Variants in RP1 observed in about 807,000 individuals in gnomAD.
RP1 encodes the protein oxygen-regulated protein 1.
In RP1, 16 loss-of-function variants were observed where a neutral mutation model predicts 14.8. The observed-to-expected ratio is 1.08, with a 90% CI of 0.73 to 1.65. The LOEUF is 1.65. Among genes scored for constraint, RP1 ranks in the 40% most tolerant of loss-of-function variants. RP1 has a pLI of 0.00. For missense variants in RP1, 2,631 were observed against 2,535.0 expected (o/e 1.04, Z -0.81); for synonymous variants, 876 against 883.6 (o/e 0.99, Z 0.15).
chr8:54,841,785 G>C (rs576829694), intron 25 of RP1, among the ~76,000 whole-genome samples: 130 of 152,308 alleles, frequency 8.5e-4, no homozygotes, highest in African/African-American at 3.1e-3. Context: ...TGCTGACTCA[G>C]CTCGAGGCGG....
In RP1 at chr8:54,628,101, G is replaced by C. The variant is rs1289984626; in HGVS notation, c.4219G>C (p.Glu1407Gln). ...SSCGLCLSEKEAELDKKHSSL... is the reference protein window; with the variant it reads ...SSCGLCLSEKQAELDKKHSSL... ...CTGTGGCCTTTGCCTAAGTGAAAAA[G>C]AAGCAGAACTTGATAAGAAACATAG... Residue 1407 changes from glutamate to glutamine, a missense_variant, in exon 4 of 4, where the codon GAA becomes CAA. Glu to Gln is a conservative substitution (Grantham distance 29). Transcript: ENST00000220676. 1 of 1,614,018 alleles carries C rather than the reference G, an allele frequency of 6.2e-7. No homozygotes were observed. The highest frequency in any genetic ancestry group is 1.7e-5 in the Admixed American group (1 of 60,022).
At chr8:54,607,081 T>A (rs1206571551) in intron 1 of RP1, among the ~76,000 whole-genome samples, 1 of 152,206 alleles carries the variant, frequency 6.6e-6, no homozygotes, top group Non-Finnish European at 1.5e-5. Context: ...GTTCCATTGC[T>A]GGTGAGGAGC....
chr8:54,777,036 C>G (rs1371364892), intron 23 of RP1, among the ~76,000 whole-genome samples: 1 of 152,228 alleles, frequency 6.6e-6, no homozygotes, highest in African/African-American at 2.4e-5. Flanking sequence ...ACCACTTACT[C>G]ACTGCATGGC....
chr8:54,736,188 C>T (rs1162725383), intron 18 of RP1, among the ~76,000 whole-genome samples: 1 of 152,162 alleles, frequency 6.6e-6, no homozygotes, highest in Non-Finnish European at 1.5e-5. Flanking sequence ...GAATATGCCA[C>T]TTAATTTCTC....
At chr8:54,763,981 A>C (rs1414965351) in intron 22 of RP1, among the ~76,000 whole-genome samples, 1 of 152,200 alleles carries the variant, frequency 6.6e-6, no homozygotes, top group African/African-American at 2.4e-5. Context: ...AGACTTTAAA[A>C]GCTTTCCACT....
chr8:54,701,589 G>A (rs915217188), exon 14 of RP1: 31 of 1,535,462 alleles, frequency 2.0e-5, no homozygotes, highest in African/African-American at 1.6e-4. Context: ...GTTTTTGATC[G>A]TCATGGCAAA....
intron 15 of RP1, among the ~76,000 whole-genome samples, chr8:54,713,871 T>C (rs146094758): frequency 1.3e-3 from 199 of 152,342 alleles, no homozygotes; most frequent in African/African-American, 4.6e-3. Flanking sequence ...TAAAAAATGG[T>C]CTTACATTTC....
At chr8:54,561,353 A>C (rs111849265) in intron 1 of RP1, among the ~76,000 whole-genome samples, 1 of 152,226 alleles carries the variant, frequency 6.6e-6, no homozygotes, top group South Asian at 2.1e-4. Flanking sequence ...CCGAGTAAAC[A>C]AAGTGGTTGT....
At chr8:54,699,912 AT>A (rs897277572) in intron 13 of RP1, among the ~76,000 whole-genome samples, 4 of 152,184 alleles carry the variant, frequency 2.6e-5, no homozygotes, top group Non-Finnish European at 5.9e-5. Flanking sequence ...CTTAGTTTAG[AT>A]TTGAAAAGTA....
At chr8:54,700,978 C>T (rs1398870670) in intron 13 of RP1, among the ~76,000 whole-genome samples, 1 of 152,160 alleles carries the variant, frequency 6.6e-6, no homozygotes, top group African/African-American at 2.4e-5. Context: ...AACGACTTTT[C>T]CTCTTCACAC....
chr8:54,717,806 G>A (rs1319141314), intron 15 of RP1, among the ~76,000 whole-genome samples: 2 of 152,038 alleles, frequency 1.3e-5, no homozygotes, highest in African/African-American at 2.4e-5. Context: ...AAACTCTCTT[G>A]GCTCACAGAT....
intron 14 of RP1, among the ~76,000 whole-genome samples, chr8:54,704,771 T>C (rs555964384): frequency 1.3e-5 from 2 of 152,304 alleles, no homozygotes; most frequent in Non-Finnish European, 2.9e-5. Context: ...AACTCATACA[T>C]CTCATGTTAT....
chr8:54,630,844 A>G (rs994645180), downstream of RP1: 2 of 995,398 alleles, frequency 2.0e-6, no homozygotes, highest in Admixed American at 1.1e-4. Context: ...TGTGCCAAAT[A>G]TGTTGAGTCC....
chr8:54,800,937 TG>T (rs1479736873), intron 24 of RP1, among the ~76,000 whole-genome samples: 1 of 152,190 alleles, frequency 6.6e-6, no homozygotes, highest in African/African-American at 2.4e-5. Flanking sequence ...TGTTAGAAGC[TG>T]GATGTGTTGT....
intron 5 of RP1, among the ~76,000 whole-genome samples, chr8:54,653,975 T>A (rs1372331038): frequency 6.6e-6 from 1 of 152,142 alleles, no homozygotes; most frequent in Non-Finnish European, 1.5e-5. Flanking sequence ...AGACAAAAAA[T>A]TTTGTATTAT....
intron 14 of RP1, chr8:54,706,370 C>G (rs1435023961): frequency 1.4e-6 from 2 of 1,439,436 alleles, no homozygotes; most frequent in East Asian, 2.5e-5. Flanking sequence ...AGAATTGCCT[C>G]TATAGTTGTC....
At chr8:54,679,606 G>T in exon 11 of RP1, 2 of 1,535,926 alleles carry the variant, frequency 1.3e-6, no homozygotes, top group African/African-American at 2.7e-5. Context: ...GGCAGAAATT[G>T]GAACTTAAGA....
At position 54,848,597 on chromosome 8, in the gene RP1, C is replaced by T. The variant is rs564097519; in HGVS notation, c.3836-3977C>T. ...ATAATGTAACATCTGTATAGTACAA[C>T]TGTGTCAAAAGAAAATAGAGACTAG... On this transcript the variant is annotated intron_variant, in intron 25 of 28. Coordinates refer to the RP1 transcript ENST00000637698. Among the ~76,000 whole-genome samples the T allele has an allele frequency of 3.9e-5, 6 of 152,186 alleles. No individual in the cohort carries two copies. The South Asian group carries it at 1.0e-3, about 26-fold the overall frequency.
chr8:54,705,965 A>G (rs1185566957), intron 14 of RP1, among the ~76,000 whole-genome samples: 1 of 151,858 alleles, frequency 6.6e-6, no homozygotes, highest in Non-Finnish European at 1.5e-5. Flanking sequence ...AGAGTCTTTT[A>G]TATCTTCCTC....
Sources: allele counts gnomAD v4.1 joint callset (sites outside exome capture counted in the v4.1 genomes callset), GRCh38; gene constraint gnomAD v4.1.1; transcripts MANE v1.5; gene names NCBI Gene and HGNC (gene_info 2026-07-23, HGNC 2026-07-21).